ELAVL2: variants seen among roughly 807,000 people sequenced by gnomAD.
ELAVL2 encodes ELAV-like protein 2.
In ELAVL2, 4 loss-of-function variants were observed where a neutral mutation model predicts 34.6. The observed-to-expected ratio is 0.12, with a 90% CI of 0.06 to 0.26. The LOEUF (loss-of-function observed/expected upper bound fraction) is 0.26. ELAVL2 is among the 10% of genes least tolerant of loss of function. ELAVL2 has a pLI of 1.00. For synonymous variants in ELAVL2, 193 were observed against 154.8 expected (o/e 1.25, Z -1.83); for missense variants, 432 against 442.8 (o/e 0.98, Z 0.22).
chr9:23,743,716 A>G (rs2049831397), intron 2 of ELAVL2, among the ~76,000 whole-genome samples: 1 of 152,116 alleles, frequency 6.6e-6, no homozygotes, highest in Admixed American at 6.6e-5. Flanking sequence ...CATCTCAAGT[A>G]CTCTTAAATG....
intron 1 of ELAVL2, among the ~76,000 whole-genome samples, chr9:23,807,252 T>C (rs1282735474): frequency 2.0e-5 from 3 of 152,172 alleles, no homozygotes; most frequent in African/African-American, 7.2e-5. Context: ...ATCCTTGCCA[T>C]GCATTCACTG....
At chr9:23,749,046 G>A (rs2051229966) in intron 2 of ELAVL2, among the ~76,000 whole-genome samples, 1 of 152,184 alleles carries the variant, frequency 6.6e-6, no homozygotes, top group African/African-American at 2.4e-5. Flanking sequence ...ACAAGGTACT[G>A]GAAATGGATA....
chr9:23,759,789 T>TATAA (rs1351880472), intron 2 of ELAVL2, among the ~76,000 whole-genome samples: 113 of 106,368 alleles, frequency 1.1e-3, no homozygotes, highest in Non-Finnish European at 1.9e-3. Flanking sequence ...TATATATATA[T>TATAA]AATGTATAGA....
intron 2 of ELAVL2, among the ~76,000 whole-genome samples, chr9:23,736,487 G>C (rs892972477): frequency 1.3e-5 from 2 of 152,092 alleles, no homozygotes; most frequent in Admixed American, 1.3e-4. Context: ...GAGTGGGGAG[G>C]GGAGGAGCAG....
chr9:23,732,261 T>A (rs1387802238), intron 2 of ELAVL2, among the ~76,000 whole-genome samples: 1 of 152,208 alleles, frequency 6.6e-6, no homozygotes, highest in Admixed American at 6.5e-5. Context: ...TTAGGACAGC[T>A]ACTCTGGTTA....
upstream of ELAVL2, among the ~76,000 whole-genome samples, chr9:23,829,033 G>C (rs61283381): frequency 0.011 from 1,720 of 152,224 alleles, 41 homozygotes; most frequent in African/African-American, 0.039. Flanking sequence ...TTCACTCATA[G>C]TTTGGTAAAA....
At chr9:23,776,444 C>T (rs972699452) in intron 1 of ELAVL2, among the ~76,000 whole-genome samples, 17 of 152,096 alleles carry the variant, frequency 1.1e-4, no homozygotes, top group African/African-American at 4.1e-4. Flanking sequence ...ATACTCTCTC[C>T]CCAACACAGC....
intron 1 of ELAVL2, among the ~76,000 whole-genome samples, chr9:23,798,903 A>G: frequency 6.6e-6 from 1 of 152,230 alleles, no homozygotes; most frequent in East Asian, 1.9e-4. Context: ...ATAGATAGAT[A>G]TAATTACAAC....
At chr9:23,774,006 T>TCGAGA (rs1367256914) in intron 1 of ELAVL2, among the ~76,000 whole-genome samples, 1 of 151,690 alleles carries the variant, frequency 6.6e-6, no homozygotes, top group Non-Finnish European at 1.5e-5. Context: ...GGTCAGGATA[T>TCGAGA]CGAGACCACC....
intron 2 of ELAVL2, among the ~76,000 whole-genome samples, chr9:23,734,832 T>C (rs1166046810): frequency 1.3e-5 from 2 of 151,568 alleles, no homozygotes; most frequent in South Asian, 2.1e-4. Flanking sequence ...CAAAAAAAAA[T>C]ACCTTACCTA....
chr9:23,775,512 T>C (rs566324574), intron 1 of ELAVL2, among the ~76,000 whole-genome samples: 2 of 152,334 alleles, frequency 1.3e-5, no homozygotes, highest in African/African-American at 4.8e-5. Context: ...TAGAGCTTCC[T>C]AGCTGATCTC....
At chr9:23,809,495 G>A (rs2062689384) in intron 1 of ELAVL2, among the ~76,000 whole-genome samples, 2 of 152,086 alleles carry the variant, frequency 1.3e-5, no homozygotes, top group African/African-American at 4.8e-5. Context: ...GAGAAAACAT[G>A]GGATTAGTTA....
At chr9:23,786,742 C>A in intron 1 of ELAVL2, among the ~76,000 whole-genome samples, 1 of 127,348 alleles carries the variant, frequency 7.9e-6, no homozygotes, top group African/African-American at 3.0e-5. Flanking sequence ...AGTATATAAG[C>A]AGGAAACCTG....
At chr9:23,702,034 G>C (rs1475022095) in intron 4 of ELAVL2, among the ~76,000 whole-genome samples, 2 of 152,164 alleles carry the variant, frequency 1.3e-5, no homozygotes, top group Admixed American at 6.5e-5. Flanking sequence ...AAGGAGAACA[G>C]AAAGAAGAAT....
chr9:23,783,826 C>G (rs34060467), intron 1 of ELAVL2, among the ~76,000 whole-genome samples: 4,522 of 152,188 alleles, frequency 0.03, 89 homozygotes, highest in East Asian at 0.075. Context: ...CAGAGAAAAG[C>G]CATGTGCACT....
At chr9:23,818,561 T>A (rs2138425763) in intron 1 of ELAVL2, among the ~76,000 whole-genome samples, 1 of 152,252 alleles carries the variant, frequency 6.6e-6, no homozygotes, top group South Asian at 2.1e-4. Flanking sequence ...AACAAAGAGC[T>A]GGGGGTAGAC....
intron 1 of ELAVL2, among the ~76,000 whole-genome samples, chr9:23,805,265 G>T (rs1404837354): frequency 6.6e-6 from 1 of 152,128 alleles, no homozygotes; most frequent in Non-Finnish European, 1.5e-5. Flanking sequence ...ACAAGTAAGG[G>T]CCAAAGCACC....
intron 1 of ELAVL2, among the ~76,000 whole-genome samples, chr9:23,776,946 T>G (rs2058302828): frequency 6.6e-6 from 1 of 152,158 alleles, no homozygotes; most frequent in South Asian, 2.1e-4. Flanking sequence ...AAGAAAATTT[T>G]AAATTATAAA....
At chr9:23,701,667 G>A (rs774415257) in intron 4 of ELAVL2, 63 bp from the exon 5 acceptor site, 1 of 1,517,204 alleles carries the variant, frequency 6.6e-7, no homozygotes, top group South Asian at 1.2e-5. Context: ...AAGGAGAGAA[G>A]AAAGGACACA....
Sources: allele counts gnomAD v4.1 joint callset (sites outside exome capture counted in the v4.1 genomes callset), GRCh38; gene constraint gnomAD v4.1.1; transcripts MANE v1.5; gene names NCBI Gene and HGNC (gene_info 2026-07-23, HGNC 2026-07-21).